NUP62CL: variants seen among roughly 807,000 people sequenced by gnomAD.
NUP62CL encodes nucleoporin 62 C-terminal like.
Under a neutral mutation model 15.3 loss-of-function variants are expected in NUP62CL, and 13 were observed. The ratio of observed to expected loss-of-function variants is 0.85; its 90% confidence interval spans 0.55 to 1.35. The LOEUF (loss-of-function observed/expected upper bound fraction) is 1.35, where lower values mean the gene tolerates loss of function less well. Ranked by LOEUF, NUP62CL falls within the 40% of genes most tolerant of loss-of-function variation. The pLI, the probability that NUP62CL is intolerant of heterozygous loss-of-function variation, is 0.00. For synonymous variants in NUP62CL, 54 were observed against 49.2 expected (o/e 1.10, Z -0.41); for missense variants, 123 against 130.6 (o/e 0.94, Z 0.28).
rs774584051 is a variant in NUP62CL at position 107,151,710 on chromosome X, T to C, written c.530+1462A>G. On this transcript the variant is annotated intron_variant, in intron 7 of 8. Coordinates refer to ENST00000372466, the MANE Select transcript of NUP62CL (RefSeq NM_017681.3). ...CCATAGAATTGGTTGCCTACATTATTGAAGATTCTGGTAAATATTTCATCA... is the reference window on the plus strand; with the variant it reads ...CCATAGAATTGGTTGCCTACATTATCGAAGATTCTGGTAAATATTTCATCA... 3.6e-5 allele frequency among the ~76,000 whole-genome samples: 4 copies of C among 109,945 alleles called. No individual in the cohort carries two copies. The South Asian group carries it at 1.6e-3, about 43-fold the overall frequency.
At chrX:107,157,574 G>C (rs1351653764) in intron 4 of NUP62CL, among the ~76,000 whole-genome samples, 2 of 107,598 alleles carry the variant, frequency 1.9e-5, no homozygotes, top group Non-Finnish European at 3.8e-5. Flanking sequence ...AGACAAGCAA[G>C]TGCTGAGAGA....
chrX:107,125,048 C>T (rs886326022), intron 8 of NUP62CL, among the ~76,000 whole-genome samples: 7 of 111,401 alleles, frequency 6.3e-5, no homozygotes, highest in African/African-American at 9.8e-5. Flanking sequence ...GTTTAAACTG[C>T]GCAAGTTCAC....
intron 8 of NUP62CL, among the ~76,000 whole-genome samples, chrX:107,140,465 G>A (rs956737021): frequency 2.7e-5 from 3 of 111,550 alleles, no homozygotes; most frequent in African/African-American, 9.8e-5. Flanking sequence ...CTACTGTGCT[G>A]TTTCAACTGG....
intron 8 of NUP62CL, among the ~76,000 whole-genome samples, chrX:107,144,383 T>G (rs1222858437): frequency 1.8e-5 from 2 of 111,994 alleles, no homozygotes. Context: ...TAATTAGCTG[T>G]GTGTTCTTAA....
intron 1 of NUP62CL, among the ~76,000 whole-genome samples, chrX:107,200,818 A>C (rs2147819418): frequency 9.1e-6 from 1 of 109,709 alleles, no homozygotes; most frequent in Admixed American, 9.8e-5. Flanking sequence ...ACTTGAAAGA[A>C]CTAACTGGTG....
At chrX:107,160,501 G>C (rs1926334739) in intron 4 of NUP62CL, among the ~76,000 whole-genome samples, 1 of 108,498 alleles carries the variant, frequency 9.2e-6, no homozygotes, top group African/African-American at 3.4e-5. Context: ...CCTGATCTTT[G>C]ACAAATCTGA....
chrX:107,201,998 CACAAA>C (rs1262652571), intron 1 of NUP62CL, among the ~76,000 whole-genome samples: 1 of 111,537 alleles, frequency 9.0e-6, no homozygotes, highest in South Asian at 3.7e-4. Context: ...CTTAAAGACA[CACAAA>C]ACAATATATT....
intron 4 of NUP62CL, among the ~76,000 whole-genome samples, chrX:107,160,845 A>G (rs1449954909): frequency 9.0e-6 from 1 of 110,507 alleles, no homozygotes; most frequent in African/African-American, 3.3e-5. Flanking sequence ...TGAACAGGCA[A>G]CCTACAACAT....
chrX:107,144,663 T>C (rs1039337032), intron 8 of NUP62CL, among the ~76,000 whole-genome samples: 1 of 111,877 alleles, frequency 8.9e-6, no homozygotes. Context: ...AAGTCAAGCA[T>C]TGTTTAATCT....
At chrX:107,178,754 A>C (rs1430093960) in intron 2 of NUP62CL, among the ~76,000 whole-genome samples, 1 of 111,620 alleles carries the variant, frequency 9.0e-6, no homozygotes, top group Non-Finnish European at 1.9e-5. Flanking sequence ...ACTTTACCAC[A>C]TACAAAAGCT....
chrX:107,126,174 CAAAT>C (rs1324214351), intron 8 of NUP62CL, among the ~76,000 whole-genome samples: 7 of 112,080 alleles, frequency 6.2e-5, no homozygotes, highest in Admixed American at 9.4e-5. Context: ...ATAAACTTAA[CAAAT>C]GAAGTATAAG....
At chrX:107,198,433 T>C (rs1927405542) in intron 1 of NUP62CL, among the ~76,000 whole-genome samples, 1 of 111,718 alleles carries the variant, frequency 9.0e-6, no homozygotes, top group Non-Finnish European at 1.9e-5. Context: ...TGTGGAAGCT[T>C]TGTTCTTTCA....
intron 2 of NUP62CL, among the ~76,000 whole-genome samples, chrX:107,183,094 G>A (rs139597929): frequency 0.025 from 2,761 of 111,557 alleles, 98 homozygotes; most frequent in African/African-American, 0.085. Flanking sequence ...TCCAGAGGCC[G>A]AGACGGGACA....
chrX:107,157,182 C>G (rs1412723821), intron 4 of NUP62CL, among the ~76,000 whole-genome samples: 3 of 104,156 alleles, frequency 2.9e-5, no homozygotes, highest in East Asian at 3.1e-4. Flanking sequence ...GGGGAGAATG[C>G]AACCAAGTTG....
chrX:107,205,968 C>T (rs1927670335), intron 1 of NUP62CL, among the ~76,000 whole-genome samples: 1 of 110,461 alleles, frequency 9.1e-6, no homozygotes, highest in African/African-American at 3.3e-5. Context: ...GAAGCCTTGC[C>T]TACAGAGGAG....
At position 107,129,822 on chromosome X, in the gene NUP62CL, A is replaced by G. The variant is rs1925471015; in HGVS notation, c.*43-5490T>C. ...TAAAGAAAGCTAAAAGAAATACTCC[A>G]GAAAGAATAAAACATACATTTAAAA... On this transcript the variant is annotated intron_variant, in intron 8 of 8. Transcript: ENST00000372466. 2.7e-5 allele frequency among the ~76,000 whole-genome samples: 3 copies of G among 112,477 alleles called. No homozygotes were observed. In the South Asian group the frequency reaches 1.1e-3, roughly 41 times the overall value.
chrX:107,188,432 C>T (rs1435043619), intron 2 of NUP62CL, among the ~76,000 whole-genome samples: 2 of 109,021 alleles, frequency 1.8e-5, no homozygotes, highest in South Asian at 8.1e-4. Flanking sequence ...TCCCCCCCAC[C>T]ACTCCCCCAG....
intron 4 of NUP62CL, among the ~76,000 whole-genome samples, chrX:107,158,879 C>T (rs1301820960): frequency 4.2e-5 from 3 of 71,023 alleles, no homozygotes; most frequent in Non-Finnish European, 6.7e-5. Flanking sequence ...TGATAGACCG[C>T]TAGCAAGACT....
intron 3 of NUP62CL, among the ~76,000 whole-genome samples, chrX:107,174,831 T>C: frequency 8.9e-6 from 1 of 112,371 alleles, no homozygotes; most frequent in East Asian, 2.8e-4. Context: ...AGGAGTTGTT[T>C]CAATGCATCA....
Sources: gnomAD v4.1 joint callset for allele counts (sites outside exome capture counted in the v4.1 genomes callset) on GRCh38, gnomAD v4.1.1 for gene constraint, MANE v1.5 for transcripts, NCBI Gene and HGNC (gene_info 2026-07-23, HGNC 2026-07-21) for gene names.